Variants in DLGAP2 observed in about 807,000 individuals in gnomAD.
DLGAP2 encodes DLG associated protein 2.
In DLGAP2, 26 loss-of-function variants were observed where a neutral mutation model predicts 100.3. The observed-to-expected ratio is 0.26, with a 90% CI of 0.19 to 0.36. The LOEUF (loss-of-function observed/expected upper bound fraction) is 0.36, where lower values mean the gene tolerates loss of function less well. Among genes scored for constraint, DLGAP2 ranks in the 10% least tolerant of loss-of-function variants. The pLI is 1.00. For synonymous variants in DLGAP2, 886 were observed against 630.1 expected, an observed-to-expected ratio of 1.41 and a Z score of -6.08; for missense variants, 1,858 against 1,453.2, an observed-to-expected ratio of 1.28 and a Z score of -4.53.
At chr8:1,334,598 C>T (rs1801229611) in intron 3 of DLGAP2, among the ~76,000 whole-genome samples, 1 of 152,088 alleles carries the variant, frequency 6.6e-6, no homozygotes, top group African/African-American at 2.4e-5. Context: ...CCTCGACCCC[C>T]CCAGTGGAGA....
intron 3 of DLGAP2, chr8:1,300,227 C>T (rs1013646567): frequency 6.6e-6 from 1 of 152,040 alleles, no homozygotes; most frequent in Non-Finnish European, 1.5e-5. Flanking sequence ...GCAAAGTGTG[C>T]ATATGTGTAC....
chr8:1,558,789 C>T (rs543739615), intron 5 of DLGAP2, among the ~76,000 whole-genome samples: 7 of 151,140 alleles, frequency 4.6e-5, no homozygotes, highest in Admixed American at 2.0e-4. Context: ...CATATACGCA[C>T]ATTACACATA....
At chr8:1,235,535 TA>T (rs1798632752) in intron 2 of DLGAP2, among the ~76,000 whole-genome samples, 1 of 25,206 alleles carries the variant, frequency 4.0e-5, no homozygotes, top group Non-Finnish European at 1.2e-4. Context: ...GCATCATGTC[TA>T]GTTCTCTCAC....
intron 3 of DLGAP2, among the ~76,000 whole-genome samples, chr8:1,451,878 A>G (rs1464970643): frequency 6.6e-6 from 1 of 152,078 alleles, no homozygotes; most frequent in Admixed American, 6.6e-5. Context: ...TGTTCCCTCC[A>G]CCAGAGCTCA....
At chr8:971,108 C>G (rs1477318195) in intron 2 of DLGAP2, among the ~76,000 whole-genome samples, 2 of 152,142 alleles carry the variant, frequency 1.3e-5, no homozygotes, top group Non-Finnish European at 2.9e-5. Flanking sequence ...GATAATTGGA[C>G]TTTATCAAAA....
chr8:1,415,621 G>T (rs1211602737), intron 3 of DLGAP2, among the ~76,000 whole-genome samples: 3 of 152,172 alleles, frequency 2.0e-5, no homozygotes, highest in Non-Finnish European at 2.9e-5. Context: ...CTGCATCCGT[G>T]TTGCTGCAGA....
intron 1 of DLGAP2, among the ~76,000 whole-genome samples, chr8:892,335 G>A (rs1015249008): frequency 6.6e-6 from 1 of 152,130 alleles, no homozygotes; most frequent in Admixed American, 6.5e-5. Context: ...GGTGAAGAGC[G>A]GCCCATCCAC....
intron 6 of DLGAP2, among the ~76,000 whole-genome samples, chr8:1,583,416 G>C (rs896479062): frequency 6.6e-6 from 1 of 152,164 alleles, no homozygotes; most frequent in Non-Finnish European, 1.5e-5. Context: ...TGCTGGGCAA[G>C]CTGGGTACCT....
chr8:884,328 C>A (rs952767361), intron 1 of DLGAP2, among the ~76,000 whole-genome samples: 1 of 152,152 alleles, frequency 6.6e-6, no homozygotes. Flanking sequence ...TTAATAATTG[C>A]CATTCTGACT....
intron 6 of DLGAP2, among the ~76,000 whole-genome samples, chr8:1,618,523 C>G (rs934489875): frequency 6.6e-6 from 1 of 152,136 alleles, no homozygotes; most frequent in East Asian, 1.9e-4. Flanking sequence ...AAAGCAACCT[C>G]AGTTTTTAGA....
intron 8 of DLGAP2, among the ~76,000 whole-genome samples, chr8:1,639,722 G>A (rs1563273630): frequency 6.6e-6 from 1 of 152,236 alleles, no homozygotes; most frequent in Non-Finnish European, 1.5e-5. Flanking sequence ...TCAAACATCA[G>A]GTCGTTCTGG....
chr8:1,547,254 G>A (rs188147088), intron 4 of DLGAP2, among the ~76,000 whole-genome samples: 23 of 152,286 alleles, frequency 1.5e-4, no homozygotes, highest in East Asian at 9.7e-4. Flanking sequence ...GGGATGGCCC[G>A]TGGCTGTCAC....
chr8:1,350,593 C>T (rs71497179), intron 3 of DLGAP2, among the ~76,000 whole-genome samples: 2 of 34,552 alleles, frequency 5.8e-5, no homozygotes, highest in African/African-American at 8.4e-5. Context: ...CCTGACTGTG[C>T]GTGGAAAGGC....
At chr8:1,088,001 C>T (rs1414074359) in intron 2 of DLGAP2, among the ~76,000 whole-genome samples, 1 of 152,262 alleles carries the variant, frequency 6.6e-6, no homozygotes, top group African/African-American at 2.4e-5. Context: ...TAGAGCTGCA[C>T]TTCACTGCGT....
At chr8:1,183,614 G>A (rs982306222) in intron 2 of DLGAP2, among the ~76,000 whole-genome samples, 3 of 152,184 alleles carry the variant, frequency 2.0e-5, no homozygotes, top group African/African-American at 4.8e-5. Context: ...GGAGGTTTGC[G>A]AGGGAGGCAC....
intron 2 of DLGAP2, among the ~76,000 whole-genome samples, chr8:1,057,022 G>T (rs937366757): frequency 6.6e-6 from 1 of 152,152 alleles, no homozygotes; most frequent in African/African-American, 2.4e-5. Context: ...AAGAACTCAT[G>T]GACCCACCAG....
chr8:1,323,237 C>A (rs1380676878), intron 3 of DLGAP2, among the ~76,000 whole-genome samples: 2 of 152,022 alleles, frequency 1.3e-5, no homozygotes, highest in African/African-American at 2.4e-5. Flanking sequence ...ATTGTGTTGC[C>A]CAGGCTGGTC....
chr8:748,217 AGCGGGTCTGCGGTGGGATGG>A (rs768157107), intron 1 of DLGAP2, among the ~76,000 whole-genome samples: 2,151 of 12,222 alleles, frequency 0.18, 38 homozygotes, highest in Non-Finnish European at 0.19. Flanking sequence ...CGGTGGGATG[AGCGGGTCTGCGGTGGGATGG>A]GCGGGTCTGC....
chr8:1,391,180 A>T (rs760513632), intron 3 of DLGAP2, among the ~76,000 whole-genome samples: 1 of 152,242 alleles, frequency 6.6e-6, no homozygotes, highest in African/African-American at 2.4e-5. Context: ...AATTGGAAAG[A>T]TTAACTCAGA....
Sources: allele counts gnomAD v4.1 joint callset (sites outside exome capture counted in the v4.1 genomes callset), GRCh38; gene constraint gnomAD v4.1.1; transcripts MANE v1.5; gene names NCBI Gene and HGNC (gene_info 2026-07-23, HGNC 2026-07-21).